Variants in PACRG observed in about 807,000 individuals in gnomAD.
The protein encoded by PACRG is parkin coregulated.
Under a neutral mutation model 29.7 loss-of-function variants are expected in PACRG, and 29 were observed. That is an observed-to-expected ratio of 0.98 (90% CI 0.73 to 1.33). PACRG has a LOEUF of 1.33. Among genes scored for constraint, PACRG ranks in the 40% most tolerant of loss-of-function variants. The pLI is 0.00. For missense variants in PACRG, 279 were observed against 316.2 expected (o/e 0.88, Z 0.89); for synonymous variants, 116 against 118.7 (o/e 0.98, Z 0.15).
chr6:163,179,548 A>T (rs1779550586), intron 4 of PACRG: 1 of 216,858 alleles, frequency 4.6e-6, no homozygotes, highest in African/African-American at 2.3e-5. Flanking sequence ...TATAAAAGAA[A>T]TTCAAAAGTA....
chr6:163,249,268 ATTAT>A (rs1466106261), intron 4 of PACRG, among the ~76,000 whole-genome samples: 2 of 152,218 alleles, frequency 1.3e-5, no homozygotes, highest in Admixed American at 6.5e-5. Context: ...GCATTCCAAC[ATTAT>A]GGAAATGGCA....
At chr6:162,879,971 C>G (rs1793696691) in intron 2 of PACRG, among the ~76,000 whole-genome samples, 1 of 152,218 alleles carries the variant, frequency 6.6e-6, no homozygotes, top group African/African-American at 2.4e-5. Flanking sequence ...GAGCACCTGG[C>G]ATGTGGTAAG....
At chr6:162,825,457 C>G (rs77557267) in intron 2 of PACRG, among the ~76,000 whole-genome samples, 1 of 152,146 alleles carries the variant, frequency 6.6e-6, no homozygotes, top group African/African-American at 2.4e-5. Context: ...ATTTCCTCAA[C>G]TCTGTCTTCC....
intron 2 of PACRG, among the ~76,000 whole-genome samples, chr6:163,030,419 G>A (rs73783987): frequency 0.15 from 22,061 of 152,140 alleles, 1,711 homozygotes; most frequent in East Asian, 0.26. Flanking sequence ...TCTCTTCCTA[G>A]TGATTTCAAG....
chr6:163,135,177 G>A (rs1816879809), intron 4 of PACRG, among the ~76,000 whole-genome samples: 2 of 147,686 alleles, frequency 1.4e-5, no homozygotes, highest in Non-Finnish European at 3.0e-5. Flanking sequence ...TGTGATTCTA[G>A]TTAAGTCATT....
chr6:162,980,434 G>A (rs9458702), intron 2 of PACRG, among the ~76,000 whole-genome samples: 2,131 of 152,180 alleles, frequency 0.014, 50 homozygotes, highest in African/African-American at 0.049. Flanking sequence ...TTAATTAGGT[G>A]CTACCATGAT....
intron 4 of PACRG, among the ~76,000 whole-genome samples, chr6:163,204,260 G>A: frequency 6.6e-6 from 1 of 152,188 alleles, no homozygotes; most frequent in East Asian, 1.9e-4. Flanking sequence ...TCCTCTAGAA[G>A]TATTTATATA....
chr6:163,308,572 A>G (rs562882543), intron 4 of PACRG, among the ~76,000 whole-genome samples: 100 of 151,932 alleles, frequency 6.6e-4, no homozygotes, highest in Non-Finnish European at 1.4e-3. Flanking sequence ...AGGCTGAGGC[A>G]GGAGAATCGT....
intron 1 of PACRG, among the ~76,000 whole-genome samples, chr6:162,764,402 TTTC>T (rs66474964): frequency 0.22 from 34,071 of 152,028 alleles, 4,178 homozygotes; most frequent in South Asian, 0.32. Context: ...GTTTTAATAT[TTTC>T]TTATAACTGA....
At chr6:162,970,210 A>G (rs1281550101) in intron 2 of PACRG, among the ~76,000 whole-genome samples, 1 of 152,184 alleles carries the variant, frequency 6.6e-6, no homozygotes. Context: ...TTCCAGCTCT[A>G]AAATCCCCCA....
chr6:163,295,492 G>A (rs1046478693), intron 4 of PACRG, among the ~76,000 whole-genome samples: 25 of 152,214 alleles, frequency 1.6e-4, no homozygotes, highest in African/African-American at 5.8e-4. Context: ...TATCCGTACA[G>A]TGGGTAGATT....
chr6:162,810,763 G>C (rs1330369383), intron 1 of PACRG, among the ~76,000 whole-genome samples: 3 of 152,088 alleles, frequency 2.0e-5, no homozygotes, highest in Non-Finnish European at 1.5e-5. Context: ...GAGAAAACAG[G>C]CTGGAAAAAG....
chr6:163,199,764 A>T (rs1431065508), intron 4 of PACRG, among the ~76,000 whole-genome samples: 2 of 152,178 alleles, frequency 1.3e-5, no homozygotes, highest in African/African-American at 4.8e-5. Context: ...TCTTTAACTT[A>T]GCCCCAGAGG....
chr6:163,160,699 A>G (rs1024992458), intron 4 of PACRG, among the ~76,000 whole-genome samples: 2 of 152,192 alleles, frequency 1.3e-5, no homozygotes, highest in Non-Finnish European at 2.9e-5. Context: ...TTGCCCCCAT[A>G]ACTCAGTTTT....
intron 2 of PACRG, among the ~76,000 whole-genome samples, chr6:163,006,049 CT>C (rs1379285102): frequency 2.1e-5 from 3 of 140,596 alleles, no homozygotes; most frequent in South Asian, 4.4e-4. Flanking sequence ...ACATATATAA[CT>C]ATGTATAACA....
intron 4 of PACRG, among the ~76,000 whole-genome samples, chr6:163,314,301 G>A (rs534445555): frequency 3.3e-4 from 50 of 152,330 alleles, no homozygotes; most frequent in African/African-American, 1.2e-3. Flanking sequence ...CCTGCACCTG[G>A]AATGAGCAAA....
intron 4 of PACRG, among the ~76,000 whole-genome samples, chr6:163,216,820 A>G (rs1221720668): frequency 2.0e-5 from 3 of 152,224 alleles, no homozygotes; most frequent in African/African-American, 4.8e-5. Context: ...ACCCTCTTCC[A>G]AGAACAAAAC....
At chr6:162,808,308 T>C (rs1479977727) in intron 1 of PACRG, among the ~76,000 whole-genome samples, 1 of 152,232 alleles carries the variant, frequency 6.6e-6, no homozygotes, top group Non-Finnish European at 1.5e-5. Context: ...GAATTTCAGA[T>C]TGAACCTGAT....
intron 2 of PACRG, among the ~76,000 whole-genome samples, chr6:163,017,579 G>A (rs762778870): frequency 3.3e-5 from 5 of 152,002 alleles, no homozygotes; most frequent in African/African-American, 4.8e-5. Context: ...TCCTTTTCAC[G>A]TGAGTATAAA....
Sources: gnomAD v4.1 joint callset for allele counts (sites outside exome capture counted in the v4.1 genomes callset) on GRCh38, gnomAD v4.1.1 for gene constraint, MANE v1.5 for transcripts, NCBI Gene and HGNC (gene_info 2026-07-23, HGNC 2026-07-21) for gene names.